Variants in MYO10 observed in about 807,000 individuals in gnomAD.
The protein encoded by MYO10 is myosin X, also known as unconventional myosin-X.
A neutral mutation model predicts 257.3 loss-of-function variants in MYO10; 133 were observed. The ratio of observed to expected loss-of-function variants is 0.52; its 90% confidence interval spans 0.45 to 0.60. The LOEUF (loss-of-function observed/expected upper bound fraction) is 0.60, where lower values mean the gene tolerates loss of function less well. Among genes scored for constraint, MYO10 ranks in the 20% least tolerant of loss-of-function variants. The probability of loss-of-function intolerance (pLI) is 0.00; values close to 1 mark genes in which losing one functional copy is unlikely to be tolerated. For synonymous variants in MYO10, 1,104 were observed against 1,028.6 expected (o/e 1.07, Z -1.40); for missense variants, 2,399 against 2,635.7 (o/e 0.91, Z 1.97).
intron 2 of MYO10, among the ~76,000 whole-genome samples, chr5:16,823,446 C>CGGGGGGGGGGGGG (rs1171973848): frequency 4.8e-4 from 2 of 4,192 alleles, no homozygotes; most frequent in African/African-American, 1.2e-3. Flanking sequence ...CTCCATCTTG[C>CGGGGGGGGGGGGG]GCGGGGGGGG....
At chr5:16,738,586 A>G (rs1739896359) in intron 19 of MYO10, among the ~76,000 whole-genome samples, 1 of 151,998 alleles carries the variant, frequency 6.6e-6, no homozygotes. Flanking sequence ...GACAAAGTTA[A>G]AAAAACAACA....
At chr5:16,742,721 G>A (rs188193494) in intron 19 of MYO10, among the ~76,000 whole-genome samples, 6 of 151,814 alleles carry the variant, frequency 4.0e-5, no homozygotes, top group Non-Finnish European at 5.9e-5. Flanking sequence ...TGAGGCAGGA[G>A]AATTGCTTGA....
chr5:16,867,996 G>A (rs970916758), intron 2 of MYO10, among the ~76,000 whole-genome samples: 4 of 152,102 alleles, frequency 2.6e-5, no homozygotes, highest in Admixed American at 6.6e-5. Flanking sequence ...CAGAGTAATC[G>A]CCTTGATGAA....
intron 1 of MYO10, among the ~76,000 whole-genome samples, chr5:16,928,342 A>G (rs1327993132): frequency 6.6e-6 from 1 of 152,004 alleles, no homozygotes; most frequent in Admixed American, 6.6e-5. Flanking sequence ...TTACAGGCCC[A>G]TGTCACCACG....
chr5:16,781,731 T>C lies in MYO10; in HGVS notation c.701A>G (p.Asn234Ser). Residue 234 changes from asparagine to serine, a missense_variant, in exon 6 of 41, where the codon AAT becomes AGT. Physicochemically the swap from Asn to Ser is conservative, Grantham distance 46. Around this residue, in one of 3 missense-constraint regions of MYO10, gnomAD observed 337 missense variants for 446.8 expected, o/e 0.75. Coordinates refer to ENST00000513610, the MANE Select transcript of MYO10 (RefSeq NM_012334.3). ...FVQLNICQKG[N>S]IQGGRIVDYL... ...ATCTACAATTCTCCCGCCCTGAATA[T>C]TTCCTTTCTGACAGATGTTCAGCTG... The C allele has an allele frequency of 6.2e-7, 1 of 1,613,972 alleles. No homozygotes were observed. The highest frequency in any genetic ancestry group is 8.5e-7 in the Non-Finnish European group (1 of 1,179,844).
chr5:16,686,358 T>A (rs1486124108), intron 28 of MYO10, among the ~76,000 whole-genome samples: 3 of 152,150 alleles, frequency 2.0e-5, no homozygotes, highest in Non-Finnish European at 4.4e-5. Context: ...ACCGACATGA[T>A]GCTCAAAGGA....
chr5:16,728,369 A>G (rs1300760646), intron 19 of MYO10, among the ~76,000 whole-genome samples: 1 of 152,050 alleles, frequency 6.6e-6, no homozygotes, highest in African/African-American at 2.4e-5. Context: ...CAGCTTGCAC[A>G]CCAACTCCTT....
At position 16,673,687 on chromosome 5, in the gene MYO10, C is replaced by G. The variant is rs746738363; in HGVS notation, c.5167G>C (p.Gly1723Arg). The change falls in exon 36 of 41, where the codon GGG becomes CGG. Residue 1723 changes from glycine to arginine, a missense_variant. Physicochemically the swap from Gly to Arg is moderately radical, Grantham distance 125. Transcript: ENST00000513610. ...CAGCAGCTGCCTCTCCTCACCTCCCCAGCGGTGGTGTGGGAGTTGATGGTG... is the reference window on the plus strand; with the variant it reads ...CAGCAGCTGCCTCTCCTCACCTCCCGAGCGGTGGTGTGGGAGTTGATGGTG... Reference protein sequence around the residue: ...KITINSHTTAGEVVEKLIRGL... With the variant: ...KITINSHTTAREVVEKLIRGL... The G allele has an allele frequency of 6.2e-7, 1 of 1,613,310 alleles. No individual in the cohort carries two copies. The highest frequency in any genetic ancestry group is 8.5e-7 in the Non-Finnish European group (1 of 1,179,578).
At chr5:16,932,167 T>A (rs1053506261) in intron 1 of MYO10, among the ~76,000 whole-genome samples, 3 of 152,236 alleles carry the variant, frequency 2.0e-5, no homozygotes, top group Admixed American at 2.0e-4. Flanking sequence ...TAATACCTGC[T>A]TTCTGTATTT....
intron 1 of MYO10, among the ~76,000 whole-genome samples, chr5:16,893,417 T>C (rs1745125162): frequency 6.6e-6 from 1 of 151,928 alleles, no homozygotes; most frequent in African/African-American, 2.4e-5. Context: ...GCAGATCACC[T>C]GAGATCAGGA....
At chr5:16,845,930 T>C (rs1225068448) in intron 2 of MYO10, among the ~76,000 whole-genome samples, 3 of 151,892 alleles carry the variant, frequency 2.0e-5, no homozygotes, top group Admixed American at 6.6e-5. Flanking sequence ...CACCACTGCA[T>C]TGCAGCCTGG....
intron 9 of MYO10, among the ~76,000 whole-genome samples, chr5:16,770,471 C>G (rs529737219): frequency 6.6e-6 from 1 of 152,100 alleles, no homozygotes; most frequent in Non-Finnish European, 1.5e-5. Context: ...ACAACTGAAG[C>G]CAGGTGTTTT....
intron 1 of MYO10, among the ~76,000 whole-genome samples, chr5:16,891,489 A>T (rs1394886141): frequency 2.0e-5 from 3 of 152,076 alleles, no homozygotes; most frequent in Non-Finnish European, 4.4e-5. Context: ...AGTGGCTGCT[A>T]ACAGGTACGG....
intron 18 of MYO10, among the ~76,000 whole-genome samples, chr5:16,755,600 T>A (rs1314528205): frequency 6.6e-6 from 1 of 152,204 alleles, no homozygotes; most frequent in East Asian, 1.9e-4. Context: ...ATTAGTTCCA[T>A]CGAAATGACA....
chr5:16,838,641 C>A (rs1035801828), intron 2 of MYO10, among the ~76,000 whole-genome samples: 1 of 152,168 alleles, frequency 6.6e-6, no homozygotes, highest in Non-Finnish European at 1.5e-5. Flanking sequence ...AAGGTGGCTA[C>A]ACTAAAAAGG....
At chr5:16,913,880 CAAG>C (rs1294933626) in intron 1 of MYO10, among the ~76,000 whole-genome samples, 1 of 152,028 alleles carries the variant, frequency 6.6e-6, no homozygotes, top group Admixed American at 6.6e-5. Flanking sequence ...GACAAAAAGA[CAAG>C]AAGGAGAGGG....
At chr5:16,862,933 G>C (rs1280670501) in intron 2 of MYO10, among the ~76,000 whole-genome samples, 1 of 152,174 alleles carries the variant, frequency 6.6e-6, no homozygotes, top group East Asian at 1.9e-4. Context: ...GACTAAGGGG[G>C]CTGAGCTACC....
chr5:16,930,421 T>C (rs1213351973), intron 1 of MYO10, among the ~76,000 whole-genome samples: 1 of 152,182 alleles, frequency 6.6e-6, no homozygotes, highest in African/African-American at 2.4e-5. Context: ...CTTAATTTTA[T>C]AAGCAATAAG....
At chr5:16,850,324 A>G (rs1328619150) in intron 2 of MYO10, among the ~76,000 whole-genome samples, 1 of 152,114 alleles carries the variant, frequency 6.6e-6, no homozygotes, top group Non-Finnish European at 1.5e-5. Flanking sequence ...GTCAGGCTGG[A>G]GTGCAGTGGC....
Sources: gnomAD v4.1 joint callset for allele counts (sites outside exome capture counted in the v4.1 genomes callset) on GRCh38, gnomAD v4.1.1 for gene constraint, gnomAD v4.1.1 regional missense constraint, MANE v1.5 for transcripts, NCBI Gene and HGNC (gene_info 2026-07-23, HGNC 2026-07-21) for gene names.